The following CSMD1 variants were observed in gnomAD, a reference collection of about 807,000 sequenced individuals.
CSMD1 encodes the protein CUB and Sushi multiple domains 1, also known as CUB and sushi domain-containing protein 1.
A neutral mutation model predicts 417.5 loss-of-function variants in CSMD1; 213 were observed. That is an observed-to-expected ratio of 0.51 (90% CI 0.46 to 0.57). The LOEUF is 0.57. Ranked by LOEUF, CSMD1 falls within the 20% of genes least tolerant of loss-of-function variation. The probability of loss-of-function intolerance (pLI) is 0.00; values close to 1 mark genes in which losing one functional copy is unlikely to be tolerated. For synonymous variants in CSMD1, 2,862 were observed against 1,736.8 expected (o/e 1.65, Z -16.11); for missense variants, 6,923 against 4,529.7 (o/e 1.53, Z -15.17).
chr8:3,568,396 C>T (rs1174758052), intron 10 of CSMD1, among the ~76,000 whole-genome samples: 1 of 152,072 alleles, frequency 6.6e-6, no homozygotes, highest in African/African-American at 2.4e-5. Flanking sequence ...GTCAATTATA[C>T]ATCAATAAAG....
chr8:4,216,880 C>T (rs551929046), intron 3 of CSMD1, among the ~76,000 whole-genome samples: 20 of 152,214 alleles, frequency 1.3e-4, no homozygotes, highest in Admixed American at 1.2e-3. Flanking sequence ...TCCCTTTTTT[C>T]CTTCTTTTCT....
chr8:3,726,894 A>C (rs1802530268), intron 6 of CSMD1, among the ~76,000 whole-genome samples: 1 of 152,226 alleles, frequency 6.6e-6, no homozygotes, highest in Admixed American at 6.5e-5. Flanking sequence ...AAAAAACATG[A>C]GGAAATATCT....
At chr8:4,230,396 A>C (rs1429877115) in intron 3 of CSMD1, among the ~76,000 whole-genome samples, 1 of 152,190 alleles carries the variant, frequency 6.6e-6, no homozygotes, top group Non-Finnish European at 1.5e-5. Context: ...CTAATAAATA[A>C]ATGATCTTGT....
intron 18 of CSMD1, among the ~76,000 whole-genome samples, chr8:3,375,398 C>G (rs1209362643): frequency 2.6e-5 from 4 of 152,090 alleles, no homozygotes; most frequent in South Asian, 4.1e-4. Flanking sequence ...CATCTTTTCT[C>G]TTTTTTTCCA....
intron 1 of CSMD1, among the ~76,000 whole-genome samples, chr8:4,815,902 T>G (rs1799179187): frequency 6.6e-6 from 1 of 152,130 alleles, no homozygotes; most frequent in African/African-American, 2.4e-5. Context: ...TGATCTCATC[T>G]AGGCTTTCTA....
chr8:3,921,206 T>C (rs1809229873), intron 5 of CSMD1, among the ~76,000 whole-genome samples: 1 of 152,154 alleles, frequency 6.6e-6, no homozygotes, highest in Non-Finnish European at 1.5e-5. Flanking sequence ...TATCCACATT[T>C]TGCGTATATA....
intron 2 of CSMD1, among the ~76,000 whole-genome samples, chr8:4,595,113 T>C (rs564295042): frequency 7.1e-4 from 108 of 152,216 alleles, no homozygotes; most frequent in African/African-American, 2.6e-3. Flanking sequence ...TTTTAAAAGC[T>C]TGGGGAATTT....
chr8:4,431,329 G>C (rs992995662), intron 2 of CSMD1, among the ~76,000 whole-genome samples: 1 of 152,000 alleles, frequency 6.6e-6, no homozygotes, highest in African/African-American at 2.4e-5. Context: ...TTTTCTTAAG[G>C]GTGAACCTAA....
At chr8:4,649,815 T>C (rs1803770604) in intron 1 of CSMD1, among the ~76,000 whole-genome samples, 2 of 152,262 alleles carry the variant, frequency 1.3e-5, no homozygotes, top group African/African-American at 4.8e-5. Flanking sequence ...TAAGTAACTA[T>C]TCTGACCTGA....
chr8:3,909,862 T>C (rs1182791674), intron 5 of CSMD1, among the ~76,000 whole-genome samples: 1 of 152,136 alleles, frequency 6.6e-6, no homozygotes, highest in Non-Finnish European at 1.5e-5. Context: ...GTATACAAGT[T>C]GATGGAATGG....
intron 2 of CSMD1, among the ~76,000 whole-genome samples, chr8:4,469,328 T>C (rs1424031539): frequency 2.0e-5 from 3 of 152,180 alleles, no homozygotes; most frequent in African/African-American, 7.2e-5. Flanking sequence ...TTTTCGGCTT[T>C]CTGAAAAGTC....
At chr8:4,034,089 A>G (rs540859902) in intron 3 of CSMD1, among the ~76,000 whole-genome samples, 83 of 152,284 alleles carry the variant, frequency 5.5e-4, no homozygotes, top group African/African-American at 2.0e-3. Flanking sequence ...ATGGGGGTGT[A>G]TTTTAATGTA....
chr8:3,390,457 T>C (rs1357778400), intron 17 of CSMD1, among the ~76,000 whole-genome samples: 1 of 150,558 alleles, frequency 6.6e-6, no homozygotes, highest in Non-Finnish European at 1.5e-5. Context: ...TGGACACAGG[T>C]AGCCAATTTA....
At chr8:3,238,013 G>A (rs929370052) in intron 26 of CSMD1, among the ~76,000 whole-genome samples, 2 of 151,398 alleles carry the variant, frequency 1.3e-5, no homozygotes, top group Non-Finnish European at 2.9e-5. Context: ...CGTGTGAAGA[G>A]ACCACCAAAC....
intron 3 of CSMD1, among the ~76,000 whole-genome samples, chr8:4,353,744 G>A (rs895929003): frequency 4.3e-5 from 6 of 140,276 alleles, no homozygotes; most frequent in African/African-American, 1.3e-4. Flanking sequence ...GGTTCATGGA[G>A]ATTTCTTTTT....
chr8:4,804,068 T>C (rs966952741), intron 1 of CSMD1, among the ~76,000 whole-genome samples: 5 of 152,232 alleles, frequency 3.3e-5, no homozygotes, highest in African/African-American at 1.2e-4. Flanking sequence ...GTGTTCTATT[T>C]CATGGTTATT....
chr8:4,420,120 A>G (rs1797165132), intron 2 of CSMD1, 55 bp from the exon 3 acceptor site: 1 of 1,332,766 alleles, frequency 7.5e-7, no homozygotes, highest in Non-Finnish European at 1.0e-6. Context: ...TTGTCAAAAA[A>G]AGCTTATTTG....
intron 10 of CSMD1, among the ~76,000 whole-genome samples, chr8:3,528,071 C>CA (rs1399506404): frequency 1.3e-5 from 2 of 152,108 alleles, no homozygotes; most frequent in East Asian, 3.9e-4. Context: ...AAACCACCCC[C>CA]ATATAAGAAC....
chr8:4,955,050 G>T (rs1361491348), intron 1 of CSMD1, among the ~76,000 whole-genome samples: 1 of 152,108 alleles, frequency 6.6e-6, no homozygotes, highest in African/African-American at 2.4e-5. Flanking sequence ...ATCCATTGCT[G>T]TATGTCAGTG....
Sources: allele counts gnomAD v4.1 joint callset (sites outside exome capture counted in the v4.1 genomes callset), GRCh38; gene constraint gnomAD v4.1.1; transcripts MANE v1.5; gene names NCBI Gene and HGNC (gene_info 2026-07-23, HGNC 2026-07-21).